Variants in BRWD1 observed in about 807,000 individuals in gnomAD.
The protein encoded by BRWD1 is bromodomain and WD repeat-containing protein 1.
In BRWD1, 82 loss-of-function variants were observed where a neutral mutation model predicts 251.2. The observed-to-expected ratio is 0.33, with a 90% CI of 0.27 to 0.39. The LOEUF (loss-of-function observed/expected upper bound fraction) is 0.39, where lower values mean the gene tolerates loss of function less well. BRWD1 is among the 10% of genes least tolerant of loss of function. The pLI, the probability that BRWD1 is intolerant of heterozygous loss-of-function variation, is 1.00. For synonymous variants in BRWD1, 918 were observed against 902.8 expected (o/e 1.02, Z -0.30); for missense variants, 2,233 against 2,711.6 (o/e 0.82, Z 3.92).
chr21:39,319,107 C>A (rs1169270207), intron 1 of BRWD1, among the ~76,000 whole-genome samples: 3 of 152,082 alleles, frequency 2.0e-5, no homozygotes, highest in Non-Finnish European at 4.4e-5. Context: ...GGTATCTGAT[C>A]TTTTGATAAG....
chr21:39,313,611 C>T lies in BRWD1; in HGVS notation c.-120G>A, dbSNP rs1239978413. On this transcript the variant is annotated 5_prime_UTR_variant, in exon 1 of 41. Transcript: ENST00000342449. The stretch of plus-strand genomic sequence containing the variant: ...CGCGCGCCGCCGCCGCCGCCGCCGC[C>T]GCCATACCGTGCGCGCCGCCTGGAC... 5 of 815,118 alleles carry T rather than the reference C, an allele frequency of 6.1e-6. No individual in the cohort carries two copies. The highest frequency in any genetic ancestry group is 4.6e-5 in the Admixed American group (1 of 21,598). 50.5% of individuals were successfully genotyped at this position (815,118 alleles called of 1,614,324 possible). A position where few individuals can be genotyped will look rare whatever the true frequency, so the allele number is the denominator to read the frequency against.
At chr21:39,227,663 A>C (rs1331523206) in intron 27 of BRWD1, among the ~76,000 whole-genome samples, 1 of 152,154 alleles carries the variant, frequency 6.6e-6, no homozygotes, top group African/African-American at 2.4e-5. Context: ...TATAAAGCAA[A>C]GTGTATATGA....
chr21:39,204,313 G>C (rs893686738), intron 37 of BRWD1, among the ~76,000 whole-genome samples: 1 of 151,314 alleles, frequency 6.6e-6, no homozygotes, highest in African/African-American at 2.4e-5. Context: ...GTAGTCCCCA[G>C]AGCAACCACA....
intron 21 of BRWD1, among the ~76,000 whole-genome samples, chr21:39,244,942 A>ATATATATATATATATATATATT (rs2034132099): frequency 6.9e-6 from 1 of 144,202 alleles, no homozygotes; most frequent in Non-Finnish European, 1.5e-5. Context: ...ATATATATAT[A>ATATATATATATATATATATATT]TATGCAGAAA....
intron 4 of BRWD1, among the ~76,000 whole-genome samples, chr21:39,305,876 A>AT (rs1331791792): frequency 4.0e-5 from 6 of 150,088 alleles, no homozygotes; most frequent in African/African-American, 1.2e-4. Context: ...GAAAAAAAAA[A>AT]AAAAAACCTT....
chr21:39,314,648 T>C, upstream of BRWD1: 1 of 326,894 alleles, frequency 3.1e-6, no homozygotes, highest in South Asian at 2.4e-5. Flanking sequence ...CTCTGGCCCC[T>C]AAAGTACAGC....
chr21:39,309,972 GA>G (rs1316532864), intron 4 of BRWD1, among the ~76,000 whole-genome samples: 3 of 152,164 alleles, frequency 2.0e-5, no homozygotes, highest in African/African-American at 7.2e-5. Flanking sequence ...GTAGTGTCTG[GA>G]ATCTGCCTTA....
chr21:39,312,002 G>A (rs2036500140), intron 4 of BRWD1, among the ~76,000 whole-genome samples: 2 of 152,122 alleles, frequency 1.3e-5, no homozygotes, highest in South Asian at 2.1e-4. Flanking sequence ...TGCTGAATAT[G>A]GCCTGGCAAT....
Position 39,280,240 on chromosome 21 carries a change from C to T in BRWD1, c.840G>A (p.Pro280=), listed in dbSNP as rs151145375. 5.0e-6 allele frequency: 8 copies of T among 1,603,616 alleles called. No individual in the cohort carries two copies. The highest frequency in any genetic ancestry group is 4.5e-5 in the East Asian group (2 of 44,526). Residue 280 remains proline (P), a synonymous_variant, in exon 9 of 41, where the codon CCG becomes CCA. Transcript: ENST00000342449. ...TGTATCTTTGAGAGCCTTTGGCCATCGGGCTAAACTAAAAAGTAAAACATA... is the reference window on the plus strand; with the variant it reads ...TGTATCTTTGAGAGCCTTTGGCCATTGGGCTAAACTAAAAAGTAAAACATA... ...TGSITSLQFS[P]MAKGSQRYMV...
rs1395020209 is a variant in BRWD1, at chr21:39,209,984, T to A, written c.4197+11A>T. 1 of 1,607,270 alleles carries A rather than the reference T, an allele frequency of 6.2e-7. No individual in the cohort carries two copies. The highest frequency in any genetic ancestry group is 8.5e-7 in the Non-Finnish European group (1 of 1,176,842). On this transcript the variant is annotated intron_variant, in intron 36 of 40. Coordinates refer to ENST00000342449, the MANE Select transcript of BRWD1 (RefSeq NM_033656.4). ...AGGCAGTTTTTTTCAATAAACCACATAAAAAATTACCTTTGATCTTTTGTT... is the reference window on the plus strand; with the variant it reads ...AGGCAGTTTTTTTCAATAAACCACAAAAAAAATTACCTTTGATCTTTTGTT...
intron 36 of BRWD1, among the ~76,000 whole-genome samples, chr21:39,206,557 T>C (rs949055418): frequency 6.6e-6 from 1 of 152,236 alleles, no homozygotes; most frequent in Non-Finnish European, 1.5e-5. Context: ...TTGCCTATTC[T>C]AACATCTGTA....
At chr21:39,276,784 C>T (rs2035294449) in intron 11 of BRWD1, among the ~76,000 whole-genome samples, 1 of 152,160 alleles carries the variant, frequency 6.6e-6, no homozygotes, top group Non-Finnish European at 1.5e-5. Context: ...AAAGTTAACC[C>T]ACCCAGATCA....
chr21:39,299,453 G>T (rs1050994157), intron 4 of BRWD1, among the ~76,000 whole-genome samples: 3 of 152,114 alleles, frequency 2.0e-5, no homozygotes, highest in Non-Finnish European at 4.4e-5. Flanking sequence ...GGAGCCATAA[G>T]TGGATATACC....
At chr21:39,251,220 A>C (rs2034383012) in intron 19 of BRWD1, among the ~76,000 whole-genome samples, 1 of 152,196 alleles carries the variant, frequency 6.6e-6, no homozygotes, top group African/African-American at 2.4e-5. Flanking sequence ...TAAAGAAAAA[A>C]TAAGCAGAGT....
Position 39,199,659 on chromosome 21 carries a change from G to C in BRWD1, c.4757C>G (p.Pro1586Arg). 6.3e-7 allele frequency: 1 copy of C among 1,591,614 alleles called. No homozygotes were observed. Among genetic ancestry groups the C allele is most frequent in the Admixed American group, 1.8e-5 (1 of 54,578 alleles). ...GCCACATCCATTTGCTAATGAAACG[G>C]GACCTAGAAATAAGGTTAACAATAA... ...RTRAAQRKTG[P>R]VSLANGCGRK... is the part of the protein sequence containing the mutation. Residue 1586 changes from proline to arginine, a missense_variant, in exon 40 of 41, where the codon CCC (proline) becomes CGC (arginine). Coordinates refer to ENST00000342449, the MANE Select transcript of BRWD1 (RefSeq NM_033656.4).
In BRWD1 at chr21:39,196,758, T is replaced by G; in HGVS notation, c.6311A>C (p.Tyr2104Ser). 1 of 1,613,476 alleles carries G rather than the reference T, an allele frequency of 6.2e-7. No individual in the cohort carries two copies. The highest frequency in any genetic ancestry group is 2.2e-5 in the East Asian group (1 of 44,880). ...TGTCTTACTAAAAGGAGCCTTTCCA[T>G]AGGTCCTGAGTCTTCTGCCATTCCA... The part of the protein sequence containing the change: ...RRWNGRRLRT[Y>S]GKAPFSKTKV... Residue 2104 changes from tyrosine (Y) to serine (S), a missense_variant, in exon 41 of 41, where the codon TAT (tyrosine) becomes TCT (serine). Physicochemically the swap from Tyr to Ser is moderately radical, Grantham distance 144. Transcript: ENST00000342449.
At position 39,228,597 on chromosome 21, in the gene BRWD1, A is replaced by G; in HGVS notation, c.3126-15T>C. The G allele has an allele frequency of 6.5e-7, 1 of 1,541,928 alleles. No individual in the cohort carries two copies. Among genetic ancestry groups the G allele is most frequent in the Non-Finnish European group, 9.0e-7 (1 of 1,115,454 alleles). ...TATCATGATATCTAGACAAAAATTT[A>G]AAAAATTGTTAAACTCTCTACATAG... is the stretch of plus-strand genomic sequence containing the variant. On this transcript the variant is annotated splice_polypyrimidine_tract_variant and intron_variant, in intron 26 of 40. Transcript: ENST00000342449.
At chr21:39,247,152 T>C (rs570822573) in intron 21 of BRWD1, among the ~76,000 whole-genome samples, 1 of 151,834 alleles carries the variant, frequency 6.6e-6, no homozygotes, top group South Asian at 2.1e-4. Context: ...TATCAGTGAT[T>C]GTGAGGGGCT....
chr21:39,307,149 T>G (rs1369204765), intron 4 of BRWD1, among the ~76,000 whole-genome samples: 20 of 152,192 alleles, frequency 1.3e-4, no homozygotes, highest in Non-Finnish European at 2.9e-4. Flanking sequence ...CCACTGAGCC[T>G]GGTTATAATT....
Sources: gnomAD v4.1 joint callset for allele counts (sites outside exome capture counted in the v4.1 genomes callset) on GRCh38, gnomAD v4.1.1 for gene constraint, MANE v1.5 for transcripts, NCBI Gene and HGNC (gene_info 2026-07-23, HGNC 2026-07-21) for gene names.